The following MAP3K5 variants were observed in gnomAD, a reference collection of about 807,000 sequenced individuals.
MAP3K5 encodes the protein ASK-1.
In MAP3K5, 56 loss-of-function variants were observed where a neutral mutation model predicts 158.7. The ratio of observed to expected loss-of-function variants is 0.35; its 90% confidence interval spans 0.28 to 0.44. The LOEUF (loss-of-function observed/expected upper bound fraction) is 0.44, where lower values mean the gene tolerates loss of function less well. MAP3K5 is among the 20% of genes least tolerant of loss of function. The pLI, the probability that MAP3K5 is intolerant of heterozygous loss-of-function variation, is 1.00. For synonymous variants in MAP3K5, 579 were observed against 601.7 expected (o/e 0.96, Z 0.55); for missense variants, 1,294 against 1,674.8 (o/e 0.77, Z 3.97).
At chr6:136,721,176 T>C (rs113953666) in intron 1 of MAP3K5, among the ~76,000 whole-genome samples, 61 of 149,646 alleles carry the variant, frequency 4.1e-4, no homozygotes, top group Admixed American at 8.7e-4. Context: ...TGCTCTCTCA[T>C]AAATTTCAAC....
intron 23 of MAP3K5, among the ~76,000 whole-genome samples, chr6:136,586,338 C>CT (rs35006021): frequency 6.6e-6 from 1 of 152,074 alleles, no homozygotes; most frequent in Non-Finnish European, 1.5e-5. Flanking sequence ...AAATGGCAAA[C>CT]TTTTTTTTCG....
At chr6:136,603,285 G>C (rs933890053) in intron 19 of MAP3K5, among the ~76,000 whole-genome samples, 3 of 150,604 alleles carry the variant, frequency 2.0e-5, no homozygotes, top group Non-Finnish European at 4.4e-5. Context: ...TGATTCTCCT[G>C]CCTCAGCCTC....
intron 25 of MAP3K5, among the ~76,000 whole-genome samples, chr6:136,577,751 T>C (rs1465095553): frequency 3.3e-5 from 5 of 152,218 alleles, no homozygotes; most frequent in African/African-American, 4.8e-5. Flanking sequence ...AGAATTCCTG[T>C]ATACCATCCA....
chr6:136,697,991 C>T (rs1329458921), intron 4 of MAP3K5, among the ~76,000 whole-genome samples: 2 of 152,174 alleles, frequency 1.3e-5, no homozygotes, highest in African/African-American at 4.8e-5. Context: ...GTGATCTGCC[C>T]ACCTCGGCCT....
At chr6:136,788,143 C>T (rs764593441) in intron 1 of MAP3K5, among the ~76,000 whole-genome samples, 5 of 152,146 alleles carry the variant, frequency 3.3e-5, no homozygotes, top group African/African-American at 4.8e-5. Context: ...AACCACACAC[C>T]TAACACCATC....
intron 26 of MAP3K5, among the ~76,000 whole-genome samples, chr6:136,565,641 C>G (rs1018208873): frequency 2.6e-5 from 4 of 152,216 alleles, no homozygotes; most frequent in Admixed American, 6.5e-5. Context: ...TGAAAACACA[C>G]TAACATTTCC....
At chr6:136,708,620 G>C (rs1158355364) in intron 2 of MAP3K5, among the ~76,000 whole-genome samples, 1 of 152,128 alleles carries the variant, frequency 6.6e-6, no homozygotes, top group Non-Finnish European at 1.5e-5. Context: ...AGACATCATA[G>C]TAAGTGCTTA....
intron 11 of MAP3K5, among the ~76,000 whole-genome samples, chr6:136,645,751 T>C (rs1562575312): frequency 6.6e-6 from 1 of 152,224 alleles, no homozygotes; most frequent in African/African-American, 2.4e-5. Context: ...TGGTATATAA[T>C]GTGCTTCAAG....
chr6:136,764,669 GA>G (rs1407828628), intron 1 of MAP3K5, among the ~76,000 whole-genome samples: 1 of 152,172 alleles, frequency 6.6e-6, no homozygotes, highest in Non-Finnish European at 1.5e-5. Flanking sequence ...TGCCGCAACA[GA>G]AAAATGAAAC....
chr6:136,767,536 G>A (rs980361572), intron 1 of MAP3K5, among the ~76,000 whole-genome samples: 5 of 152,132 alleles, frequency 3.3e-5, no homozygotes, highest in Admixed American at 6.5e-5. Context: ...GTAGTCACTA[G>A]GTAAGAAGCA....
chr6:136,596,552 T>C lies in MAP3K5; in HGVS notation c.2879-3938A>G, dbSNP rs143342062. On this transcript the variant is annotated intron_variant, in intron 21 of 29. Transcript: ENST00000359015. ...ATTTGTAGATCAGGGGAAGGACGGG[T>C]TTAGGACAAAAGACATTAGAGCATG... 2.1e-4 allele frequency among the ~76,000 whole-genome samples: 32 copies of C among 152,042 alleles called. 1 individual carries two copies. The East Asian group carries it at 6.2e-3, about 29-fold the overall frequency.
At chr6:136,604,865 AG>A (rs981168181) in intron 19 of MAP3K5, among the ~76,000 whole-genome samples, 12 of 152,224 alleles carry the variant, frequency 7.9e-5, no homozygotes, top group Non-Finnish European at 7.3e-5. Flanking sequence ...TTATAAAAAA[AG>A]TTCTTCTATC....
intron 1 of MAP3K5, among the ~76,000 whole-genome samples, chr6:136,764,681 G>C (rs1350317449): frequency 6.6e-6 from 1 of 152,084 alleles, no homozygotes; most frequent in African/African-American, 2.4e-5. Flanking sequence ...AAAATGAAAC[G>C]CAGACCTCTC....
intron 14 of MAP3K5, among the ~76,000 whole-genome samples, 182 bp from the exon 15 acceptor site, chr6:136,623,163 T>A (rs1198557929): frequency 6.6e-6 from 1 of 152,220 alleles, no homozygotes; most frequent in African/African-American, 2.4e-5. Context: ...AGATACTGTG[T>A]TTATGTTTTC....
At chr6:136,758,937 C>G (rs529765585) in intron 1 of MAP3K5, among the ~76,000 whole-genome samples, 2 of 152,330 alleles carry the variant, frequency 1.3e-5, no homozygotes, top group East Asian at 3.9e-4. Context: ...CTTTGGGAGG[C>G]CGAGGCAGGC....
At position 136,584,116 on chromosome 6, in the gene MAP3K5, T is replaced by C. The variant is rs150387190; in HGVS notation, c.3226-376A>G. Among the ~76,000 whole-genome samples, 12 of 152,326 alleles carry C rather than the reference T, an allele frequency of 7.9e-5. No individual in the cohort carries two copies. In the East Asian group the frequency reaches 1.7e-3, roughly 22 times the overall value. On this transcript the variant is annotated intron_variant, in intron 23 of 29. Coordinates refer to ENST00000359015, the MANE Select transcript of MAP3K5 (RefSeq NM_005923.4). ...CACACGCTGGTCAGTAGCCATGATA[T>C]AGTCAGATAACAAAGCTTTGCCCAA...
intron 5 of MAP3K5, among the ~76,000 whole-genome samples, chr6:136,696,372 G>T (rs1365674665): frequency 6.6e-6 from 1 of 152,192 alleles, no homozygotes; most frequent in African/African-American, 2.4e-5. Context: ...TCCCCATAGA[G>T]CCAGATTCCC....
At chr6:136,699,949 C>T (rs1385200985) in intron 3 of MAP3K5, among the ~76,000 whole-genome samples, 2 of 152,046 alleles carry the variant, frequency 1.3e-5, no homozygotes, top group East Asian at 1.9e-4. Context: ...CAAAAATTAT[C>T]CAGGTGGGGT....
intron 1 of MAP3K5, among the ~76,000 whole-genome samples, chr6:136,788,561 C>T (rs1784938254): frequency 6.6e-6 from 1 of 152,104 alleles, no homozygotes; most frequent in African/African-American, 2.4e-5. Flanking sequence ...AGCAAAACAA[C>T]AAATAACCCC....
Sources: gnomAD v4.1 joint callset for allele counts (sites outside exome capture counted in the v4.1 genomes callset) on GRCh38, gnomAD v4.1.1 for gene constraint, MANE v1.5 for transcripts, NCBI Gene and HGNC (gene_info 2026-07-23, HGNC 2026-07-21) for gene names.